Variants in FGD4 observed in about 807,000 individuals in gnomAD.
FGD4 encodes FYVE, RhoGEF and PH domain-containing protein 4.
Under a neutral mutation model 102.0 loss-of-function variants are expected in FGD4, and 42 were observed. The observed-to-expected ratio is 0.41, with a 90% CI of 0.32 to 0.53. The LOEUF is 0.53. FGD4 is among the 20% of genes least tolerant of loss of function. FGD4 has a pLI of 0.21. For synonymous variants in FGD4, 380 were observed against 375.7 expected (o/e 1.01, Z -0.13); for missense variants, 902 against 1,078.2 (o/e 0.84, Z 2.29).
At chr12:32,564,912 G>A (rs1055654339) in intron 2 of FGD4, among the ~76,000 whole-genome samples, 2 of 152,150 alleles carry the variant, frequency 1.3e-5, no homozygotes, top group African/African-American at 4.8e-5. Flanking sequence ...GAGAAGCACA[G>A]AATTATAGTT....
chr12:32,448,776 C>T (rs1942693515), intron 1 of FGD4, among the ~76,000 whole-genome samples: 1 of 152,062 alleles, frequency 6.6e-6, no homozygotes, highest in South Asian at 2.1e-4. Flanking sequence ...GGAGCAGCCT[C>T]ATCACTTCCT....
chr12:32,621,366 A>C (rs868747924), intron 11 of FGD4, among the ~76,000 whole-genome samples: 4 of 152,172 alleles, frequency 2.6e-5, no homozygotes, highest in Non-Finnish European at 5.9e-5. Context: ...TGGATGCTTC[A>C]GGAGGTCACA....
At chr12:32,510,861 T>A (rs1330766622) in intron 1 of FGD4, among the ~76,000 whole-genome samples, 1 of 152,350 alleles carries the variant, frequency 6.6e-6, no homozygotes, top group South Asian at 2.1e-4. Flanking sequence ...GTTGGGAATA[T>A]AGAATTTACT....
In FGD4 at chr12:32,465,367, G is replaced by A. The variant is rs984565721; in HGVS notation, c.166+65408G>A. Among the ~76,000 whole-genome samples the A allele has an allele frequency of 3.3e-5, 5 of 151,756 alleles. No individual in the cohort carries two copies. The South Asian group carries it at 6.2e-4, about 19-fold the overall frequency. On this transcript the variant is annotated intron_variant, in intron 1 of 16. Coordinates refer to ENST00000534526, the MANE Select transcript of FGD4 (RefSeq NM_001370298.3). ...CAGCCACCACCCTCATCAGTCAGCC[G>A]CCATTAACATCAAAGAAAGAGGCTG...
intron 1 of FGD4, among the ~76,000 whole-genome samples, chr12:32,490,168 A>G (rs1944039701): frequency 6.6e-6 from 1 of 152,088 alleles, no homozygotes; most frequent in African/African-American, 2.4e-5. Flanking sequence ...TTTTTGTCCC[A>G]TTTGGAGTGA....
intron 4 of FGD4, among the ~76,000 whole-genome samples, chr12:32,585,222 TTATATATATATA>T (rs140227421): frequency 0.093 from 10,756 of 116,106 alleles, 736 homozygotes; most frequent in African/African-American, 0.17. Flanking sequence ...CTCAAAAATT[TTATATATATATA>T]TATATATATA....
rs536627523 is a variant in FGD4, at chr12:32,641,714, C to G, written c.*1181C>G. On this transcript the variant is annotated 3_prime_UTR_variant, in exon 17 of 17. Transcript: ENST00000534526. ...AATCGAGCATGGTTAAATAAGGTCT[C>G]TATATAATGAACACTTAAGATAACT... The G allele has an allele frequency of 1.3e-5, 2 of 152,164 alleles. No homozygotes were observed. Among genetic ancestry groups the G allele is most frequent in the South Asian group, 4.1e-4 (2 of 4,820 alleles). 9.4% of individuals were successfully genotyped at this position (152,164 alleles called of 1,614,324 possible).
chr12:32,508,217 G>C (rs1437767892), intron 1 of FGD4, among the ~76,000 whole-genome samples: 1 of 152,182 alleles, frequency 6.6e-6, no homozygotes, highest in African/African-American at 2.4e-5. Flanking sequence ...CAGTCTTTGG[G>C]CTAAGGCAGG....
At chr12:32,420,025 A>G (rs1237797016) in intron 1 of FGD4, among the ~76,000 whole-genome samples, 2 of 152,172 alleles carry the variant, frequency 1.3e-5, no homozygotes, top group African/African-American at 2.4e-5. Flanking sequence ...AAAACCAGCT[A>G]CTGTGAATGC....
At chr12:32,439,653 T>G (rs1381952302) in intron 1 of FGD4, among the ~76,000 whole-genome samples, 1 of 152,232 alleles carries the variant, frequency 6.6e-6, no homozygotes, top group African/African-American at 2.4e-5. Flanking sequence ...TGAGGTAGTC[T>G]TCTTTGGGTT....
At chr12:32,535,538 C>G (rs1211879631) in intron 1 of FGD4, among the ~76,000 whole-genome samples, 1 of 151,970 alleles carries the variant, frequency 6.6e-6, no homozygotes, top group Non-Finnish European at 1.5e-5. Flanking sequence ...ATCACTCAGG[C>G]AGAAGCCTGA....
rs368023599 is a variant in FGD4 at position 32,405,764 on chromosome 12, C to T, written c.166+5805C>T. 1.2e-4 allele frequency among the ~76,000 whole-genome samples: 19 copies of T among 152,134 alleles called. No homozygotes were observed. In the East Asian group the frequency reaches 3.1e-3, roughly 25 times the overall value. ...TGATTGGGGGTCTGCCTGAGGTCAC[C>T]TGCTGTTGGAGTCAGTCCTTTTACA... is the stretch of plus-strand genomic sequence containing the variant. On this transcript the variant is annotated intron_variant, in intron 1 of 16. Transcript: ENST00000534526.
chr12:32,474,267 A>G (rs557848987), intron 1 of FGD4, among the ~76,000 whole-genome samples: 4 of 152,332 alleles, frequency 2.6e-5, no homozygotes, highest in South Asian at 4.1e-4. Context: ...CTCAAAAGCA[A>G]TGAAACCATA....
intron 1 of FGD4, among the ~76,000 whole-genome samples, chr12:32,474,059 G>C (rs1943517501): frequency 1.3e-5 from 2 of 151,782 alleles, no homozygotes; most frequent in African/African-American, 4.8e-5. Flanking sequence ...CTGCACTCCA[G>C]CCTGGGTGAC....
intron 1 of FGD4, among the ~76,000 whole-genome samples, chr12:32,532,319 T>C (rs2136843402): frequency 6.6e-6 from 1 of 152,306 alleles, no homozygotes; most frequent in East Asian, 1.9e-4. Context: ...GCTATACCAT[T>C]ATATCTTAAT....
intron 7 of FGD4, among the ~76,000 whole-genome samples, chr12:32,604,497 T>C (rs1192498120): frequency 6.6e-6 from 1 of 152,190 alleles, no homozygotes; most frequent in Non-Finnish European, 1.5e-5. Context: ...GTTCCCTGAT[T>C]CTTCTGTCAT....
At chr12:32,502,140 T>G in intron 1 of FGD4, 1 of 985,494 alleles carries the variant, frequency 1.0e-6, no homozygotes, top group Non-Finnish European at 1.2e-6. Context: ...CACCATCTGT[T>G]CACTCCCCAC....
At chr12:32,606,070 G>A (rs1002663543) in intron 7 of FGD4, among the ~76,000 whole-genome samples, 6 of 152,098 alleles carry the variant, frequency 3.9e-5, no homozygotes, top group African/African-American at 4.8e-5. Context: ...CTTAGGAAAC[G>A]CTCCTAAATT....
Position 32,576,436 on chromosome 12 carries a change from T to C in FGD4, c.490T>C (p.Phe164Leu). 1.2e-6 allele frequency: 2 copies of C among 1,614,054 alleles called. No individual in the cohort carries two copies. Among genetic ancestry groups the C allele is most frequent in the Non-Finnish European group, 1.7e-6 (2 of 1,179,996 alleles). ...PSKVSDLISR[F>L]EGGSSLSNYS... The stretch of plus-strand genomic sequence containing the variant: ...TAAGGTATCAGATCTCATCAGTCGC[T>C]TTGAAGGAGGCAGGTAAGAGCTAAT... The change falls in exon 3 of 17, where the codon TTT becomes CTT. Residue 164 changes from phenylalanine (F) to leucine (L), a missense_variant. Coordinates refer to ENST00000534526, the MANE Select transcript of FGD4 (RefSeq NM_001370298.3).
Sources: allele counts gnomAD v4.1 joint callset (sites outside exome capture counted in the v4.1 genomes callset), GRCh38; gene constraint gnomAD v4.1.1; transcripts MANE v1.5; gene names NCBI Gene and HGNC (gene_info 2026-07-23, HGNC 2026-07-21).